SLC25A30: variants seen among roughly 807,000 people sequenced by gnomAD.
The protein encoded by SLC25A30 is solute carrier family 25 member 30, also known as kidney mitochondrial carrier protein 1.
Under a neutral mutation model 42.7 loss-of-function variants are expected in SLC25A30, and 29 were observed. The observed-to-expected ratio is 0.68, with a 90% CI of 0.51 to 0.93. The LOEUF (loss-of-function observed/expected upper bound fraction) is 0.93, where lower values mean the gene tolerates loss of function less well. Ranked by LOEUF, SLC25A30 falls within the 40% of genes least tolerant of loss-of-function variation. The pLI is 0.00. For missense variants in SLC25A30, 300 were observed against 359.7 expected (o/e 0.83, Z 1.34); for synonymous variants, 124 against 131.0 (o/e 0.95, Z 0.37).
the SLC25A30 span, among the ~76,000 whole-genome samples, chr13:45,423,677 T>TAAAA: frequency 9.7e-3 from 33 of 3,412 alleles, 2 homozygotes; most frequent in East Asian, 0.061. Flanking sequence ...AAAATACATA[T>TAAAA]TTATATAAAT....
intron 7 of SLC25A30, 32 bp from the exon 8 acceptor site, chr13:45,399,110 A>G: frequency 6.7e-7 from 1 of 1,497,890 alleles, no homozygotes; most frequent in Non-Finnish European, 9.0e-7. Flanking sequence ...AAAAAAAAAA[A>G]GTTAACCATC....
intron 3 of SLC25A30, among the ~76,000 whole-genome samples, chr13:45,408,659 C>T (rs530011571): frequency 3.6e-4 from 55 of 152,246 alleles, no homozygotes; most frequent in African/African-American, 1.3e-3. Flanking sequence ...CATGAAAAAC[C>T]GAACAGAATG....
intron 2 of SLC25A30, among the ~76,000 whole-genome samples, chr13:45,410,600 C>G (rs574544971): frequency 6.6e-6 from 1 of 152,034 alleles, no homozygotes; most frequent in East Asian, 1.9e-4. Context: ...ATCTCTTGAG[C>G]TTGGGAGTCG....
intron 4 of SLC25A30, among the ~76,000 whole-genome samples, chr13:45,405,067 C>T (rs956031216): frequency 2.0e-5 from 3 of 152,044 alleles, no homozygotes; most frequent in African/African-American, 4.8e-5. Flanking sequence ...GGACTATAGG[C>T]GTGCACCTCC....
chr13:45,422,684 T>C (rs543153570), upstream of SLC25A30, among the ~76,000 whole-genome samples: 1 of 152,174 alleles, frequency 6.6e-6, no homozygotes, highest in South Asian at 2.1e-4. Flanking sequence ...AGAAATCCTG[T>C]TTTATAGGAA....
In SLC25A30 at chr13:45,404,957, C is replaced by T. The variant is rs183025944; in HGVS notation, c.308-545G>A. Among the ~76,000 whole-genome samples, 134 of 152,298 alleles carry T rather than the reference C, an allele frequency of 8.8e-4. 1 individual carries two copies. Among genetic ancestry groups the T allele is most frequent in the African/African-American group, 3.1e-3 (128 of 41,554 alleles). On this transcript the variant is annotated intron_variant, in intron 4 of 9. Coordinates refer to ENST00000519676, the MANE Select transcript of SLC25A30 (RefSeq NM_001010875.4). ...TTTTCTCTTGAGATAGGGTCTCACTCTGTTACCTAGGCTGGAGTGCAGTGG... is the reference window on the plus strand; with the variant it reads ...TTTTCTCTTGAGATAGGGTCTCACTTTGTTACCTAGGCTGGAGTGCAGTGG...
intron 2 of SLC25A30, among the ~76,000 whole-genome samples, chr13:45,410,713 C>T (rs920661069): frequency 1.3e-5 from 2 of 152,006 alleles, no homozygotes; most frequent in African/African-American, 4.8e-5. Flanking sequence ...TTGGGAGACC[C>T]GGGTGGGAGG....
chr13:45,430,097 CAG>C, the SLC25A30 span, among the ~76,000 whole-genome samples: 2 of 151,682 alleles, frequency 1.3e-5, no homozygotes, highest in Admixed American at 6.6e-5. Context: ...CAGGAAAAAA[CAG>C]AGAGTTATAT....
At chr13:45,424,767 AAT>A in the SLC25A30 span, among the ~76,000 whole-genome samples, 6,532 of 61,020 alleles carry the variant, frequency 0.11, 1,373 homozygotes, top group African/African-American at 0.21. Flanking sequence ...TAAATATATA[AAT>A]ATATATATAT....
chr13:45,416,632 A>G (rs1883559514), intron 1 of SLC25A30, among the ~76,000 whole-genome samples: 1 of 151,612 alleles, frequency 6.6e-6, no homozygotes, highest in Non-Finnish European at 1.5e-5. Context: ...TTATCTAGGT[A>G]TGGTGGTACG....
At chr13:45,425,045 A>AGTAT in the SLC25A30 span, among the ~76,000 whole-genome samples, 7 of 1,274 alleles carry the variant, frequency 5.5e-3, no homozygotes, top group Admixed American at 0.016. Flanking sequence ...AGTATATATA[A>AGTAT]ATATATAAAT....
intron 9 of SLC25A30, 100 bp from the exon 10 acceptor site, chr13:45,396,115 C>T (rs1881292769): frequency 6.2e-7 from 1 of 1,610,046 alleles, no homozygotes; most frequent in Non-Finnish European, 8.5e-7. Context: ...CAAATAGGTA[C>T]AGGCAGACCC....
intron 8 of SLC25A30, chr13:45,397,930 C>T: frequency 1.0e-6 from 1 of 985,530 alleles, no homozygotes; most frequent in African/African-American, 1.7e-5. Context: ...TCTGTTGCTT[C>T]CGTGCCATGT....
intron 3 of SLC25A30, 128 bp from the exon 4 acceptor site, chr13:45,406,105 C>CAGA: frequency 1.4e-6 from 1 of 699,412 alleles, no homozygotes; most frequent in Non-Finnish European, 2.4e-6. Flanking sequence ...TTTTTTGAGA[C>CAGA]GGAGTTTCGC....
chr13:45,406,060 C>T (rs1475305819), intron 3 of SLC25A30, 83 bp from the exon 4 acceptor site: 3 of 1,258,214 alleles, frequency 2.4e-6, no homozygotes, highest in South Asian at 1.3e-5. Context: ...AGAGTGCCAT[C>T]CATAATCAAA....
chr13:45,399,269 G>C (rs1187159853), intron 7 of SLC25A30, among the ~76,000 whole-genome samples, 191 bp from the exon 8 acceptor site: 1 of 152,134 alleles, frequency 6.6e-6, no homozygotes, highest in Admixed American at 6.5e-5. Context: ...GCAATGGTGT[G>C]ACCTTGGCTC....
chr13:45,426,380 C>T, the SLC25A30 span, among the ~76,000 whole-genome samples: 18 of 152,246 alleles, frequency 1.2e-4, no homozygotes, highest in Middle Eastern at 3.4e-3. Flanking sequence ...CCACCGCCCC[C>T]GGCCCAGTTT....
At chr13:45,397,621 G>C (rs1350873296) in intron 8 of SLC25A30, 1 of 242,212 alleles carries the variant, frequency 4.1e-6, no homozygotes, top group Non-Finnish European at 8.0e-6. Context: ...GCATGAACCC[G>C]GGAGGCGGAG....
chr13:45,429,288 C>T, the SLC25A30 span, among the ~76,000 whole-genome samples: 54 of 151,434 alleles, frequency 3.6e-4, no homozygotes, highest in Middle Eastern at 3.4e-3. Flanking sequence ...AGGCTGGTCT[C>T]GAACTCCTGA....
Sources: allele counts gnomAD v4.1 joint callset (sites outside exome capture counted in the v4.1 genomes callset), GRCh38; gene constraint gnomAD v4.1.1; transcripts MANE v1.5; gene names NCBI Gene and HGNC (gene_info 2026-07-23, HGNC 2026-07-21).